The following PPP1R3A variants were observed in gnomAD, a reference collection of about 807,000 sequenced individuals.
The protein encoded by PPP1R3A is protein phosphatase 1 regulatory subunit 3A, also known as RG1.
A neutral mutation model predicts 41.7 loss-of-function variants in PPP1R3A; 29 were observed. The ratio of observed to expected loss-of-function variants is 0.70; its 90% CI spans 0.52 to 0.95. The LOEUF is 0.95. PPP1R3A is among the 40% of genes least tolerant of loss of function. The pLI is 0.00. For missense variants in PPP1R3A, 1,352 were observed against 1,292.4 expected, an observed-to-expected ratio of 1.05 and a Z score of -0.71; for synonymous variants, 485 against 453.4, an observed-to-expected ratio of 1.07 and a Z score of -0.89.
chr7:113,915,469 C>T (rs560890533), intron 1 of PPP1R3A, among the ~76,000 whole-genome samples: 3 of 151,156 alleles, frequency 2.0e-5, no homozygotes, highest in Admixed American at 6.6e-5. Flanking sequence ...TTCATTTTAG[C>T]TATGACTGAT....
chr7:113,882,284 GTTA>G lies in PPP1R3A; in HGVS notation c.816_818del (p.Asn273del). On this transcript the variant is annotated inframe_deletion, in exon 2 of 4. Coordinates refer to ENST00000284601, the MANE Select transcript of PPP1R3A (RefSeq NM_002711.4). ...TACCTGTATTCTTTGGATTCTCAAA[GTTA>G]TTTTCTTCTGATGTTACTGATGATT... 6.7e-7 allele frequency: 1 copy of G among 1,489,164 alleles called. No individual in the cohort carries two copies. The highest frequency in any genetic ancestry group is 9.4e-7 in the Non-Finnish European group (1 of 1,068,712). The allele number at this position is 1,489,164 out of a possible 1,614,324, so 92.2% of individuals were successfully genotyped here.
chr7:113,886,305 G>T (rs992126479), intron 1 of PPP1R3A, among the ~76,000 whole-genome samples: 1 of 151,876 alleles, frequency 6.6e-6, no homozygotes, highest in African/African-American at 2.4e-5. Context: ...TATGGGGGTG[G>T]GTCTTTTCTG....
intron 1 of PPP1R3A, among the ~76,000 whole-genome samples, chr7:113,898,662 T>C (rs1797014502): frequency 2.0e-5 from 3 of 151,736 alleles, no homozygotes. Flanking sequence ...TCCTCCTCCT[T>C]TCCCCACAAT....
At chr7:113,915,735 T>C (rs1326014582) in intron 1 of PPP1R3A, among the ~76,000 whole-genome samples, 1 of 151,652 alleles carries the variant, frequency 6.6e-6, no homozygotes, top group African/African-American at 2.4e-5. Context: ...TCTGTAACTA[T>C]TTGGAGAGAA....
chr7:113,900,169 G>A (rs73204241), intron 1 of PPP1R3A, among the ~76,000 whole-genome samples: 24,082 of 151,510 alleles, frequency 0.16, 2,543 homozygotes, highest in Non-Finnish European at 0.24. Context: ...TCATGTTTAC[G>A]AAGATTTAGA....
At chr7:113,904,402 C>T (rs1288330175) in intron 1 of PPP1R3A, among the ~76,000 whole-genome samples, 3 of 151,658 alleles carry the variant, frequency 2.0e-5, no homozygotes, top group Non-Finnish European at 4.4e-5. Context: ...TGTTATACCA[C>T]TTAAGAAGTC....
intron 1 of PPP1R3A, among the ~76,000 whole-genome samples, chr7:113,916,766 G>T (rs896765999): frequency 6.6e-6 from 1 of 151,884 alleles, no homozygotes; most frequent in African/African-American, 2.4e-5. Context: ...AAATAATGTT[G>T]AACTTATTTT....
intron 1 of PPP1R3A, among the ~76,000 whole-genome samples, chr7:113,906,310 T>A (rs1203831012): frequency 1.3e-5 from 2 of 151,850 alleles, no homozygotes; most frequent in Admixed American, 1.3e-4. Flanking sequence ...TCTTTGTATA[T>A]CCTATTGCAT....
In PPP1R3A at chr7:113,879,664, A is replaced by T. The variant is rs2974944; in HGVS notation, c.1428T>A (p.Asn476Lys). ...AACATCCCAAATCTTTTACTTCAAT[A>T]TTTTTAGCTCCTCCTTCATGTTTTT... ...LNKKHEGGAK[N>K]IEVKDLGCLR... Residue 476 changes from asparagine to lysine, a missense_variant, in exon 4 of 4, where the codon AAT (asparagine) becomes AAA (lysine). By Grantham distance (94) the Asn-to-Lys change is moderately conservative (BLOSUM62 0). Transcript: ENST00000284601. 1 allele frequency: 1,612,222 copies of T among 1,613,246 alleles called. 805,607 individuals are homozygous for T. Among genetic ancestry groups the T allele is most frequent in the East Asian group, 1 (44,807 of 44,808 alleles).
Position 113,879,588 on chromosome 7 carries a change from C to A in PPP1R3A, c.1504G>T (p.Glu502Ter). 6.2e-7 allele frequency: 1 copy of A among 1,613,140 alleles called. No homozygotes were observed. ...DTSACLKEST[E>*]EGSSKEDYYG... is the part of the protein sequence containing the mutation. ...TAATCTTCCTTAGAAGATCCTTCTT[C>A]TGTTGATTCTTTGAGACATGCCGAC... The change falls in exon 4 of 4, where the codon GAA becomes TAA. Residue 502 changes from glutamate to a stop codon, truncating the protein, a stop_gained. Transcript: ENST00000284601. LOFTEE classifies it low-confidence loss of function (END_TRUNC).
chr7:113,877,474 A>T lies in PPP1R3A; in HGVS notation c.*249T>A, dbSNP rs1470841970. 2.7e-6 allele frequency: 1 copy of T among 368,398 alleles called. No individual in the cohort carries two copies. The highest frequency in any genetic ancestry group is 2.1e-5 in the African/African-American group (1 of 47,674). 22.8% of individuals were successfully genotyped at this position (368,398 alleles called of 1,614,324 possible). A position where few individuals can be genotyped will look rare whatever the true frequency, so the allele number is the denominator to read the frequency against. On this transcript the variant is annotated 3_prime_UTR_variant, in exon 4 of 4. Transcript: ENST00000284601. ...ACTTCATAGCCTGCTAAGGAGCAAC[A>T]GCTGTACCTAATTTCAACTTGACGT...
chr7:113,907,968 G>A (rs190676727), intron 1 of PPP1R3A, among the ~76,000 whole-genome samples: 2 of 151,942 alleles, frequency 1.3e-5, no homozygotes, highest in East Asian at 3.9e-4. Flanking sequence ...TTTAGGAAAA[G>A]TTGTGCTCTA....
At chr7:113,916,397 T>G (rs955210179) in intron 1 of PPP1R3A, among the ~76,000 whole-genome samples, 3 of 152,066 alleles carry the variant, frequency 2.0e-5, no homozygotes, top group South Asian at 4.1e-4. Flanking sequence ...TATCTTCAAC[T>G]AGGAGAAGTT....
chr7:113,896,034 T>C (rs1796970043), intron 1 of PPP1R3A, among the ~76,000 whole-genome samples: 1 of 151,888 alleles, frequency 6.6e-6, no homozygotes, highest in Non-Finnish European at 1.5e-5. Flanking sequence ...GAGTCATTAA[T>C]ATGCGGATCA....
In PPP1R3A at chr7:113,878,805, C is replaced by T. The variant is rs1464941685; in HGVS notation, c.2287G>A (p.Asp763Asn). Residue 763 changes from aspartate to asparagine, a missense_variant, in exon 4 of 4, where the codon GAC (aspartate) becomes AAC (asparagine). Coordinates refer to ENST00000284601, the MANE Select transcript of PPP1R3A (RefSeq NM_002711.4). ...GTTTCCTTTACCTCGATGGGCCTGT[C>T]ACTTCGTGCTGTCTCTTGAGGTAGC... The part of the protein sequence containing the change: ...AKLPQETARS[D>N]RPIEVKETAF... 6.2e-7 allele frequency: 1 copy of T among 1,613,604 alleles called. No homozygotes were observed.
rs750781233 is a variant in PPP1R3A at position 113,880,127 on chromosome 7, T to C, written c.967-2A>G. 1.3e-6 allele frequency: 2 copies of C among 1,583,870 alleles called. No individual in the cohort carries two copies. Among genetic ancestry groups the C allele is most frequent in the Non-Finnish European group, 1.7e-6 (2 of 1,153,584 alleles). ...GGTTCTTATTAAGTGTTGATTTATC[T>C]TATGGGATAAAAACAACAAAGAAAT... On this transcript the variant is annotated splice_acceptor_variant, in intron 3 of 3. Coordinates refer to ENST00000284601, the MANE Select transcript of PPP1R3A (RefSeq NM_002711.4). LOFTEE classifies it high-confidence loss of function.
intron 1 of PPP1R3A, among the ~76,000 whole-genome samples, chr7:113,887,610 G>C (rs1414585955): frequency 6.6e-6 from 1 of 152,120 alleles, no homozygotes. Flanking sequence ...GGAGAAATCA[G>C]GAAGTTTATC....
At chr7:113,916,658 T>C (rs373829448) in intron 1 of PPP1R3A, among the ~76,000 whole-genome samples, 10 of 152,108 alleles carry the variant, frequency 6.6e-5, no homozygotes, top group Admixed American at 5.9e-4. Context: ...CTCTAACATA[T>C]AGAGCAAGTT....
chr7:113,910,234 G>T (rs1161506043), intron 1 of PPP1R3A, among the ~76,000 whole-genome samples: 1 of 151,892 alleles, frequency 6.6e-6, no homozygotes, highest in East Asian at 1.9e-4. Flanking sequence ...ATTTGGATGG[G>T]GACACAGCCA....
Sources: gnomAD v4.1 joint callset for allele counts (sites outside exome capture counted in the v4.1 genomes callset) on GRCh38, gnomAD v4.1.1 for gene constraint, MANE v1.5 for transcripts, NCBI Gene and HGNC (gene_info 2026-07-23, HGNC 2026-07-21) for gene names.